TARBP1: variants seen among roughly 807,000 people sequenced by gnomAD.
TARBP1 encodes tRNA guanosine 2 -O-methyltransferase TARBP1.
Under a neutral mutation model 178.6 loss-of-function variants are expected in TARBP1, and 144 were observed. The observed-to-expected ratio is 0.81, with a 90% CI of 0.70 to 0.93. TARBP1 has a LOEUF of 0.93. Ranked by LOEUF, TARBP1 falls within the 40% of genes least tolerant of loss-of-function variation. The pLI is 0.00. For missense variants in TARBP1, 2,067 were observed against 2,011.7 expected (o/e 1.03, Z -0.53); for synonymous variants, 787 against 781.0 (o/e 1.01, Z -0.13).
At chr1:234,468,102 G>A (rs1021870543) in intron 3 of TARBP1, among the ~76,000 whole-genome samples, 13 of 151,798 alleles carry the variant, frequency 8.6e-5, no homozygotes, top group African/African-American at 3.2e-4. Context: ...ATCTGAGTAT[G>A]TCAACCAAAA....
intron 23 of TARBP1, among the ~76,000 whole-genome samples, chr1:234,410,117 G>C (rs900133747): frequency 6.6e-6 from 1 of 152,190 alleles, no homozygotes; most frequent in Non-Finnish European, 1.5e-5. Context: ...GAAGGTAAGG[G>C]AAGTCCTGTT....
intron 12 of TARBP1, among the ~76,000 whole-genome samples, chr1:234,442,676 A>G (rs1208766755): frequency 6.6e-6 from 1 of 152,188 alleles, no homozygotes; most frequent in African/African-American, 2.4e-5. Flanking sequence ...CAACTCCTTA[A>G]ATATCAAACT....
At position 234,457,699 on chromosome 1, in the gene TARBP1, A is replaced by T; in HGVS notation, c.1690T>A (p.Ser564Thr). The change falls in exon 9 of 30, where the codon TCC (serine) becomes ACC (threonine). Residue 564 changes from serine to threonine, a missense_variant. By Grantham distance (58) the Ser-to-Thr change is moderately conservative. Transcript: ENST00000040877. ...TFLMSLRQEE[S>T]LGRGTSLWTE... ...CACAATGAAGTTCCTCGTCCTAAGG[A>T]TTCCTCTTGTCTCAGAGACATGAGA... 6.2e-7 allele frequency: 1 copy of T among 1,610,016 alleles called. No homozygotes were observed. The highest frequency in any genetic ancestry group is 8.5e-7 in the Non-Finnish European group (1 of 1,177,308).
At chr1:234,470,345 C>A (rs1668914963) in intron 3 of TARBP1, among the ~76,000 whole-genome samples, 1 of 152,068 alleles carries the variant, frequency 6.6e-6, no homozygotes, top group Non-Finnish European at 1.5e-5. Flanking sequence ...GAGTCCTTAT[C>A]TTTTAAAGAA....
intron 11 of TARBP1, among the ~76,000 whole-genome samples, chr1:234,447,482 C>T (rs543015504): frequency 1.1e-3 from 158 of 144,780 alleles, no homozygotes; most frequent in African/African-American, 3.8e-3. Flanking sequence ...GTGGGCTCAA[C>T]CTCCCAGGCT....
chr1:234,427,222 C>A, intron 19 of TARBP1, 95 bp downstream of exon 19: 1 of 808,786 alleles, frequency 1.2e-6, no homozygotes, highest in Non-Finnish European at 2.0e-6. Context: ...TTAGATGTCA[C>A]TTATTAAATT....
chr1:234,450,659 A>G, intron 9 of TARBP1, 93 bp from the exon 10 acceptor site: 29 of 1,372,518 alleles, frequency 2.1e-5, no homozygotes, highest in Non-Finnish European at 2.8e-5. Context: ...CTTTCACGAT[A>G]AACCAAATTT....
rs1662991220 is a variant in TARBP1 at position 234,420,765 on chromosome 1, T to C, written c.3492A>G (p.Leu1164=). 2.5e-6 allele frequency: 4 copies of C among 1,612,666 alleles called. No homozygotes were observed. Among genetic ancestry groups the C allele is most frequent in the African/African-American group, 2.7e-5 (2 of 74,872 alleles). ...ACACTCGGTTTTTCACTCTGTGCTGTAGAGAATTCACATAGTAGCGTTTTT... is the reference window on the plus strand; with the variant it reads ...ACACTCGGTTTTTCACTCTGTGCTGCAGAGAATTCACATAGTAGCGTTTTT... ...KSKKRYYVNS[L]QHRVKNRVWQ... Residue 1164 remains leucine, a synonymous_variant, in exon 21 of 30, where the codon CTA becomes CTG. Transcript: ENST00000040877.
chr1:234,452,794 C>A (rs1253546510), intron 9 of TARBP1, among the ~76,000 whole-genome samples: 1 of 152,094 alleles, frequency 6.6e-6, no homozygotes, highest in Non-Finnish European at 1.5e-5. Flanking sequence ...CTGCCAAAAC[C>A]TGGAAGCAAC....
intron 22 of TARBP1, among the ~76,000 whole-genome samples, chr1:234,413,629 G>A (rs1662096049): frequency 6.6e-6 from 1 of 152,168 alleles, no homozygotes; most frequent in South Asian, 2.1e-4. Flanking sequence ...AGCCTTACGG[G>A]ATACTCCGAG....
intron 12 of TARBP1, among the ~76,000 whole-genome samples, chr1:234,442,484 G>T (rs1037603220): frequency 6.6e-6 from 1 of 152,100 alleles, no homozygotes; most frequent in African/African-American, 2.4e-5. Flanking sequence ...ATATTATATA[G>T]CCTCTGGAGT....
Position 234,450,545 on chromosome 1 carries a change from TA to T in TARBP1, c.1743del (p.Asn582MetfsTer21), listed in dbSNP as rs765109534. On this transcript the variant is annotated frameshift_variant, in exon 10 of 30. Transcript: ENST00000040877. LOFTEE classifies it high-confidence loss of function. ...GGGGATGGCTTAAAATAGCTTTCAT[TA>T]ACACGTAGCCAGTCACACAGCTGGA... ...LWTELCDWLR[V>X]NESYFKPSPT... 1.9e-6 allele frequency: 3 copies of T among 1,610,178 alleles called. No homozygotes were observed. Among genetic ancestry groups the T allele is most frequent in the Non-Finnish European group, 2.5e-6 (3 of 1,178,876 alleles).
intron 13 of TARBP1, 111 bp downstream of exon 13, chr1:234,437,164 C>T (rs960836444): frequency 3.6e-6 from 2 of 552,924 alleles, no homozygotes; most frequent in African/African-American, 3.9e-5. Context: ...AAGACCGCTT[C>T]TTGAGAAAAT....
In TARBP1 at chr1:234,478,263, G is replaced by A; in HGVS notation, c.841C>T (p.Arg281Cys). 1.9e-6 allele frequency: 3 copies of A among 1,600,570 alleles called. No individual in the cohort carries two copies. The highest frequency in any genetic ancestry group is 1.1e-5 in the South Asian group (1 of 90,088). The change falls in exon 1 of 30, where the codon CGC becomes TGC. Residue 281 changes from arginine to cysteine, a missense_variant. Transcript: ENST00000040877. ...AGLGQADALT[R>C]KRARYLLQRA... is the part of the protein sequence containing the mutation. ...TGCAGCAGGTAGCGCGCTCGCTTGCGCGTCAGGGCGTCCGCCTGGCCCAGC... is the reference window on the plus strand; with the variant it reads ...TGCAGCAGGTAGCGCGCTCGCTTGCACGTCAGGGCGTCCGCCTGGCCCAGC...
intron 23 of TARBP1, among the ~76,000 whole-genome samples, chr1:234,408,526 C>T (rs933098300): frequency 6.6e-6 from 1 of 152,120 alleles, no homozygotes; most frequent in African/African-American, 2.4e-5. Context: ...TAGCTGGAAG[C>T]TACAAGATTC....
Position 234,451,583 on chromosome 1 carries a change from C to A in TARBP1, c.1723-1017G>T, listed in dbSNP as rs1666763908. On this transcript the variant is annotated intron_variant, in intron 9 of 29. Transcript: ENST00000040877. The stretch of plus-strand genomic sequence containing the variant: ...TAAAAACGGTGAAACCCCGTCTCTA[C>A]TAAAAATACAAAAAAATTAGCCGGG... Among the ~76,000 whole-genome samples, 7 of 66,710 alleles carry A rather than the reference C, an allele frequency of 1.0e-4. 2 individuals are homozygous for A. In the South Asian group the frequency reaches 2.3e-3, roughly 22 times the overall value. 43.8% of individuals were successfully genotyped at this position (66,710 alleles called of 152,430 possible).
At chr1:234,446,416 G>A (rs1405786028) in intron 12 of TARBP1, among the ~76,000 whole-genome samples, 1 of 152,120 alleles carries the variant, frequency 6.6e-6, no homozygotes, top group Non-Finnish European at 1.5e-5. Context: ...GTGGCAAACA[G>A]AAATGGATCC....
intron 13 of TARBP1, among the ~76,000 whole-genome samples, chr1:234,435,136 G>C (rs1005950592): frequency 3.9e-5 from 6 of 152,154 alleles, no homozygotes; most frequent in Non-Finnish European, 7.4e-5. Flanking sequence ...ACATGAAATT[G>C]AGAGACGGTT....
intron 4 of TARBP1, 29 bp from the exon 5 acceptor site, chr1:234,465,737 A>C: frequency 6.5e-7 from 1 of 1,527,972 alleles, no homozygotes; most frequent in Non-Finnish European, 8.8e-7. Flanking sequence ...AAAGACACGT[A>C]ATTGAAACTT....
Sources: gnomAD v4.1 joint callset for allele counts (sites outside exome capture counted in the v4.1 genomes callset) on GRCh38, gnomAD v4.1.1 for gene constraint, MANE v1.5 for transcripts, NCBI Gene and HGNC (gene_info 2026-07-23, HGNC 2026-07-21) for gene names.